The following CKAP2 variants were observed in gnomAD, a reference collection of about 807,000 sequenced individuals.
CKAP2 encodes the protein cytoskeleton-associated protein 2.
In CKAP2, 46 loss-of-function variants were observed where a neutral mutation model predicts 58.4. That is an observed-to-expected ratio of 0.79 (90% CI 0.62 to 1.01). The LOEUF is 1.01. CKAP2 is among the 50% of genes least tolerant of loss of function. The pLI is 0.00. For missense variants in CKAP2, 809 were observed against 796.4 expected, an observed-to-expected ratio of 1.02 and a Z score of -0.19; for synonymous variants, 293 against 280.9, an observed-to-expected ratio of 1.04 and a Z score of -0.43.
intron 2 of CKAP2, among the ~76,000 whole-genome samples, chr13:52,458,032 G>A (rs1958515851): frequency 6.6e-6 from 1 of 152,128 alleles, no homozygotes; most frequent in Non-Finnish European, 1.5e-5. Context: ...TGTAAGTTTG[G>A]CATTCTAAAA....
chr13:52,459,694 A>G (rs1044692551), intron 2 of CKAP2, among the ~76,000 whole-genome samples: 4 of 152,058 alleles, frequency 2.6e-5, no homozygotes, highest in Non-Finnish European at 1.5e-5. Context: ...CTGTCTTAAA[A>G]TCAATGGCAT....
At chr13:52,461,008 C>T (rs1380585707) in intron 3 of CKAP2, 34 bp downstream of exon 3, 2 of 1,605,418 alleles carry the variant, frequency 1.2e-6, no homozygotes, top group African/African-American at 2.7e-5. Context: ...TAAACTGTCC[C>T]CTTTTCCATT....
chr13:52,464,073 T>C (rs1958625680), intron 5 of CKAP2, among the ~76,000 whole-genome samples: 1 of 152,234 alleles, frequency 6.6e-6, no homozygotes, highest in Non-Finnish European at 1.5e-5. Context: ...TCTGAGCTAA[T>C]TAATATGTAA....
In CKAP2 at chr13:52,461,761, C is replaced by G. The variant is rs1400601238; in HGVS notation, c.935C>G (p.Thr312Ser). The change falls in exon 4 of 9, where the codon ACT becomes AGT. Residue 312 changes from threonine to serine, a missense_variant. Transcript: ENST00000258607. The part of the protein sequence containing the change: ...SSSQGIIRNK[T>S]LSRSIASEVI... Reference sequence around the variant, plus strand: ...TCTCAAGGTATAATAAGAAATAAGACTCTATCAAGATCCATAGCATCTGAA... The same window carrying G: ...TCTCAAGGTATAATAAGAAATAAGAGTCTATCAAGATCCATAGCATCTGAA... The G allele has an allele frequency of 5.0e-6, 8 of 1,613,694 alleles. No homozygotes were observed. In the Admixed American group the frequency reaches 1.0e-4, roughly 20 times the overall value.
chr13:52,471,508 T>TAAA, intron 7 of CKAP2, among the ~76,000 whole-genome samples: 2 of 142,530 alleles, frequency 1.4e-5, no homozygotes, highest in Admixed American at 1.4e-4. Context: ...AGAAGAGGGT[T>TAAA]AAAAAAAAAA....
chr13:52,456,592 A>C lies in CKAP2; in HGVS notation c.140A>C (p.Asn47Thr), dbSNP rs764785586. 1.2e-6 allele frequency: 2 copies of C among 1,612,664 alleles called. No individual in the cohort carries two copies. Among genetic ancestry groups the C allele is most frequent in the African/African-American group, 1.3e-5 (1 of 75,036 alleles). The change falls in exon 2 of 9, where the codon AAT (asparagine) becomes ACT (threonine). Residue 47 changes from asparagine (N) to threonine (T), a missense_variant. Coordinates refer to ENST00000258607, the MANE Select transcript of CKAP2 (RefSeq NM_018204.5). ...RKTLFAYKQE[N>T]EMLSSRDQRV... The stretch of plus-strand genomic sequence containing the variant: ...ACGCTTTTTGCATACAAGCAGGAAA[A>C]TGAGATGTTATCCAGGTAAGGTCAA...
intron 2 of CKAP2, 85 bp downstream of exon 2, chr13:52,456,692 T>A (rs1001868110): frequency 9.2e-7 from 1 of 1,084,400 alleles, no homozygotes; most frequent in Non-Finnish European, 1.4e-6. Context: ...ATATCTGTAA[T>A]TTTAAATTTT....
Position 52,455,535 on chromosome 13 carries a change from C to T in CKAP2, c.-22C>T. Reference sequence around the variant, plus strand: ...CTATCTTGGCGCTAAAGCGGAGACGCATCCCCCGACCCGAGGCTACGATGA... The same window carrying T: ...CTATCTTGGCGCTAAAGCGGAGACGTATCCCCCGACCCGAGGCTACGATGA... On this transcript the variant is annotated 5_prime_UTR_variant, in exon 1 of 9. Coordinates refer to ENST00000258607, the MANE Select transcript of CKAP2 (RefSeq NM_018204.5). The T allele has an allele frequency of 1.2e-6, 2 of 1,612,776 alleles. No individual in the cohort carries two copies. Among genetic ancestry groups the T allele is most frequent in the Non-Finnish European group, 1.7e-6 (2 of 1,179,716 alleles).
chr13:52,472,341 G>A (rs1958771703), intron 7 of CKAP2, among the ~76,000 whole-genome samples: 1 of 152,182 alleles, frequency 6.6e-6, no homozygotes, highest in South Asian at 2.1e-4. Context: ...CTAATGCAAT[G>A]CCTGACACAT....
chr13:52,459,483 TGGCCAATATTTTTGATTTTA>T (rs1958537524), intron 2 of CKAP2, among the ~76,000 whole-genome samples: 1 of 152,082 alleles, frequency 6.6e-6, no homozygotes, highest in Admixed American at 6.6e-5. Context: ...CCACCATGCC[TGGCCAATATTTTTGATTTTA>T]GTAGAGACAG....
intron 7 of CKAP2, among the ~76,000 whole-genome samples, chr13:52,471,561 T>G (rs1165728655): frequency 6.6e-6 from 1 of 151,942 alleles, no homozygotes; most frequent in African/African-American, 2.4e-5. Flanking sequence ...GGGTGTTTCA[T>G]AGCTACCTGA....
chr13:52,469,390 C>G (rs894274346), intron 7 of CKAP2, among the ~76,000 whole-genome samples: 4 of 152,058 alleles, frequency 2.6e-5, no homozygotes, highest in African/African-American at 4.8e-5. Context: ...GTTGTGTTGG[C>G]TAGAAAAGCT....
Position 52,474,200 on chromosome 13 carries a change from T to C in CKAP2, c.1802+116T>C, listed in dbSNP as rs146608622. ...AGCTACCATTTATTAATATAGAAAT[T>C]TCAGTACGGGCATGGTGGCTCACGC... is the stretch of plus-strand genomic sequence containing the variant. On this transcript the variant is annotated intron_variant, in intron 8 of 8. Transcript: ENST00000258607. 1,009 of 1,073,500 alleles carry C rather than the reference T, an allele frequency of 9.4e-4. 14 individuals are homozygous for C. In the East Asian group the frequency reaches 0.025, roughly 26 times the overall value. 66.5% of individuals were successfully genotyped at this position (1,073,500 alleles called of 1,614,324 possible).
intron 5 of CKAP2, among the ~76,000 whole-genome samples, chr13:52,463,519 T>TA: frequency 6.6e-6 from 1 of 152,176 alleles, no homozygotes; most frequent in Non-Finnish European, 1.5e-5. Context: ...ATGTTCAGAG[T>TA]AATTAAGCAG....
At chr13:52,472,901 G>A (rs1201104334) in intron 7 of CKAP2, among the ~76,000 whole-genome samples, 1 of 152,050 alleles carries the variant, frequency 6.6e-6, no homozygotes, top group Non-Finnish European at 1.5e-5. Flanking sequence ...AAATTAGCTG[G>A]GTATGGTGGT....
intron 6 of CKAP2, 26 bp downstream of exon 6, chr13:52,465,491 A>C: frequency 3.8e-6 from 6 of 1,582,174 alleles, no homozygotes; most frequent in Non-Finnish European, 5.2e-6. Flanking sequence ...ACTGATCTTT[A>C]CAATTACAGT....
In CKAP2 at chr13:52,461,011, T is replaced by C. The variant is rs1958565205; in HGVS notation, c.231+37T>C. ...ACATAGCACTCTTAAACTGTCCCCT[T>C]TTCCATTTTGCCTTTCCTAAACACT... is the stretch of plus-strand genomic sequence containing the variant. On this transcript the variant is annotated intron_variant, in intron 3 of 8. Transcript: ENST00000258607. 3.1e-6 allele frequency: 5 copies of C among 1,605,054 alleles called. No homozygotes were observed. The East Asian group carries it at 1.1e-4, about 36-fold the overall frequency.
chr13:52,469,051 C>A (rs1233230228), intron 7 of CKAP2, among the ~76,000 whole-genome samples: 1 of 152,084 alleles, frequency 6.6e-6, no homozygotes, highest in Non-Finnish European at 1.5e-5. Flanking sequence ...ATTTCTTTGG[C>A]CTTTTAAGGA....
Position 52,461,116 on chromosome 13 carries a change from A to T in CKAP2, c.290A>T (p.Lys97Ile). ...AESKNNTVVG[K>I]HCIPLKPSNE... is the part of the protein sequence containing the mutation. The stretch of plus-strand genomic sequence containing the variant: ...AGCAAAAATAATACAGTGGTGGGGA[A>T]ACATTGTATTCCTTTAAAACCTTCA... Residue 97 changes from lysine (K) to isoleucine (I), a missense_variant, in exon 4 of 9, where the codon AAA (lysine) becomes ATA (isoleucine). Around this residue, in one of 3 missense-constraint regions of CKAP2, gnomAD observed 523 missense variants for 492.4 expected, o/e 1.06. Transcript: ENST00000258607. The T allele has an allele frequency of 6.2e-7, 1 of 1,610,610 alleles. No individual in the cohort carries two copies. Among genetic ancestry groups the T allele is most frequent in the Non-Finnish European group, 8.5e-7 (1 of 1,179,018 alleles).
Sources: allele counts gnomAD v4.1 joint callset (sites outside exome capture counted in the v4.1 genomes callset), GRCh38; gene constraint gnomAD v4.1.1; regional missense constraint gnomAD v4.1.1; transcripts MANE v1.5; gene names NCBI Gene and HGNC (gene_info 2026-07-23, HGNC 2026-07-21).